The following TXNRD3 variants were observed in gnomAD, a reference collection of about 807,000 sequenced individuals.
TXNRD3 encodes the protein TXNRD3 neighbor gene protein.
TXNRD3 carries 68 observed loss-of-function variants against 78.2 expected under a neutral mutation model. That is an observed-to-expected ratio of 0.87 (90% CI 0.72 to 1.06). The LOEUF (loss-of-function observed/expected upper bound fraction) is 1.06, where lower values mean the gene tolerates loss of function less well. TXNRD3 is among the 50% of genes least tolerant of loss of function. The probability of loss-of-function intolerance (pLI) is 0.00; values close to 1 mark genes in which losing one functional copy is unlikely to be tolerated. For missense variants in TXNRD3, 751 were observed against 809.5 expected (o/e 0.93, Z 0.88); for synonymous variants, 296 against 300.1 (o/e 0.99, Z 0.14).
chr3:126,641,965 C>A, intron 6 of TXNRD3, 67 bp downstream of exon 6: 4 of 1,409,986 alleles, frequency 2.8e-6, no homozygotes, highest in Non-Finnish European at 1.9e-6. Context: ...ATATGAATAC[C>A]AAGTCTTTAT....
At chr3:126,635,226 T>G (rs1938827796) in intron 6 of TXNRD3, among the ~76,000 whole-genome samples, 1 of 152,210 alleles carries the variant, frequency 6.6e-6, no homozygotes, top group African/African-American at 2.4e-5. Context: ...AACTAACAGT[T>G]CATGTGTCCT....
chr3:126,624,038 T>C (rs1938517612), intron 10 of TXNRD3, among the ~76,000 whole-genome samples: 1 of 152,094 alleles, frequency 6.6e-6, no homozygotes, highest in Non-Finnish European at 1.5e-5. Flanking sequence ...GAAGTATGTT[T>C]AGCAAAATAT....
rs1933263235 is a variant in TXNRD3 at position 126,647,280 on chromosome 3, GAA to G, written c.258_259del (p.Ser87PhefsTer7). 1.3e-6 allele frequency: 2 copies of G among 1,535,392 alleles called. No individual in the cohort carries two copies. Among genetic ancestry groups the G allele is most frequent in the Non-Finnish European group, 8.7e-7 (1 of 1,146,666 alleles). On this transcript the variant is annotated frameshift_variant, in exon 2 of 16. Coordinates refer to ENST00000524230, the MANE Select transcript of TXNRD3 (RefSeq NM_052883.3). LOFTEE classifies it high-confidence loss of function. The stretch of plus-strand genomic sequence containing the variant: ...GACATTACATTCGACTCCCAAAGAA[GAA>G]AAGAGTTCTTTCACCTGTAAAAAAA...
chr3:126,650,089 T>C (rs781065799), intron 1 of TXNRD3, among the ~76,000 whole-genome samples: 17 of 152,244 alleles, frequency 1.1e-4, no homozygotes, highest in Non-Finnish European at 1.0e-4. Flanking sequence ...ATGTATGAAT[T>C]CAGGACTGGG....
Position 126,608,583 on chromosome 3 carries a change from G to C in TXNRD3, c.1779C>G (p.Thr593=). The C allele has an allele frequency of 6.5e-7, 1 of 1,535,826 alleles. No individual in the cohort carries two copies. The highest frequency in any genetic ancestry group is 8.7e-7 in the Non-Finnish European group (1 of 1,146,796). ...ATTTCATTGCAGCTGCAAATCCTTG[G>C]GTAACCTCACCGGCGTTTGGTCCAA... The change falls in exon 15 of 16, where the codon ACC becomes ACG. Residue 593 remains threonine, a synonymous_variant. Coordinates refer to ENST00000524230, the MANE Select transcript of TXNRD3 (RefSeq NM_052883.3).
chr3:126,626,725 TA>T (rs1215337555), intron 10 of TXNRD3, among the ~76,000 whole-genome samples: 2 of 152,204 alleles, frequency 1.3e-5, no homozygotes, highest in Non-Finnish European at 2.9e-5. Flanking sequence ...AACTGTTTGG[TA>T]GTTTCTTAAA....
In TXNRD3 at chr3:126,634,271, G is replaced by T. The variant is rs115373719; in HGVS notation, c.713-220C>A. Among the ~76,000 whole-genome samples the T allele has an allele frequency of 9.2e-3, 1,405 of 152,238 alleles. 9 individuals are homozygous for T. Among genetic ancestry groups the T allele is most frequent in the Non-Finnish European group, 0.015 (1,005 of 68,020 alleles). On this transcript the variant is annotated intron_variant, in intron 6 of 15. Coordinates refer to ENST00000524230, the MANE Select transcript of TXNRD3 (RefSeq NM_052883.3). ...AGAGTTCTGAAAAGAAGAAAACTGGGGAAAAGTCCATGGAGGAGAAAATGG... is the reference window on the plus strand; with the variant it reads ...AGAGTTCTGAAAAGAAGAAAACTGGTGAAAAGTCCATGGAGGAGAAAATGG...
chr3:126,628,465 GT>G (rs1202446299), intron 10 of TXNRD3, among the ~76,000 whole-genome samples: 2 of 152,062 alleles, frequency 1.3e-5, no homozygotes, highest in Admixed American at 1.3e-4. Context: ...TTCAGTAAGA[GT>G]TTAGCAAGAT....
chr3:126,632,943 T>TG (rs1008515061), intron 7 of TXNRD3, among the ~76,000 whole-genome samples: 67 of 152,268 alleles, frequency 4.4e-4, no homozygotes, highest in African/African-American at 1.6e-3. Context: ...CAGGCTTGGT[T>TG]GGGGCTTATT....
intron 6 of TXNRD3, among the ~76,000 whole-genome samples, chr3:126,637,433 G>A (rs553530896): frequency 9.9e-5 from 15 of 152,032 alleles, no homozygotes; most frequent in African/African-American, 3.6e-4. Flanking sequence ...TAATTTCTGA[G>A]TTTTTCTGTT....
At chr3:126,633,422 G>A (rs889814513) in intron 7 of TXNRD3, among the ~76,000 whole-genome samples, 11 of 152,122 alleles carry the variant, frequency 7.2e-5, no homozygotes, top group Non-Finnish European at 1.6e-4. Flanking sequence ...TAAACTGTTT[G>A]TGTTCCTCAA....
At chr3:126,642,774 G>A (rs1933125395) in intron 5 of TXNRD3, among the ~76,000 whole-genome samples, 1 of 152,176 alleles carries the variant, frequency 6.6e-6, no homozygotes, top group Non-Finnish European at 1.5e-5. Context: ...AAAAATCGAA[G>A]TAGATTAGCT....
intron 10 of TXNRD3, 22 bp downstream of exon 10, chr3:126,629,357 T>A: frequency 6.8e-7 from 1 of 1,466,436 alleles, no homozygotes; most frequent in Non-Finnish European, 9.2e-7. Context: ...AATAACTTAG[T>A]AATGATAAAA....
In TXNRD3 at chr3:126,629,447, G is replaced by A. The variant is rs1938658857; in HGVS notation, c.1222C>T (p.Pro408Ser). ...TTAGCCAACACTTTCAGCTTTCCAGGTGAACCTTTCTCCAACTGTTGAACC... is the reference window on the plus strand; with the variant it reads ...TTAGCCAACACTTTCAGCTTTCCAGATGAACCTTTCTCCAACTGTTGAACC... Residue 408 changes from proline (P) to serine (S), a missense_variant, in exon 10 of 16, where the codon CCT becomes TCT. Pro to Ser is a moderately conservative substitution (Grantham distance 74, BLOSUM62 -1). Coordinates refer to ENST00000524230, the MANE Select transcript of TXNRD3 (RefSeq NM_052883.3). The A allele has an allele frequency of 3.3e-6, 5 of 1,535,238 alleles. No homozygotes were observed. Among genetic ancestry groups the A allele is most frequent in the South Asian group, 1.2e-5 (1 of 84,028 alleles).
chr3:126,652,367 G>C (rs1490845703), intron 1 of TXNRD3, among the ~76,000 whole-genome samples: 1 of 152,132 alleles, frequency 6.6e-6, no homozygotes, highest in African/African-American at 2.4e-5. Flanking sequence ...TCTCCCACCA[G>C]GCCTCACCTC....
chr3:126,629,278 A>G, intron 10 of TXNRD3, 101 bp downstream of exon 10: 1 of 901,230 alleles, frequency 1.1e-6, no homozygotes, highest in Non-Finnish European at 1.6e-6. Context: ...GAATAAAAAA[A>G]GTAAAAAAAT....
intron 13 of TXNRD3, among the ~76,000 whole-genome samples, chr3:126,614,988 G>A (rs904145758): frequency 3.3e-5 from 5 of 152,110 alleles, no homozygotes; most frequent in Non-Finnish European, 7.4e-5. Context: ...AATCTGAAGA[G>A]CCCACAGGCA....
chr3:126,649,408 T>C (rs1298253845), intron 1 of TXNRD3, among the ~76,000 whole-genome samples: 1 of 152,212 alleles, frequency 6.6e-6, no homozygotes, highest in Admixed American at 6.5e-5. Context: ...TGTAAAATAG[T>C]GTTGCCACTA....
rs543546132 is a variant in TXNRD3 at position 126,630,573 on chromosome 3, G to A, written c.1197+139C>T. ...GAAGAGGGGACGAGGGGGAAAATGG[G>A]GTTGGCTCTGTAGACTTGGGAGTGG... On this transcript the variant is annotated intron_variant, in intron 9 of 15. Transcript: ENST00000524230. 20 of 880,246 alleles carry A rather than the reference G, an allele frequency of 2.3e-5. No homozygotes were observed. In the South Asian group the frequency reaches 3.3e-4, roughly 14 times the overall value. 54.5% of individuals were successfully genotyped at this position (880,246 alleles called of 1,614,324 possible). A position where few individuals can be genotyped will look rare whatever the true frequency, so the allele number is the denominator to read the frequency against.
Sources: allele counts gnomAD v4.1 joint callset (sites outside exome capture counted in the v4.1 genomes callset), GRCh38; gene constraint gnomAD v4.1.1; transcripts MANE v1.5; gene names NCBI Gene and HGNC (gene_info 2026-07-23, HGNC 2026-07-21).